Variants in PDE4D observed in about 807,000 individuals in gnomAD.
The protein encoded by PDE4D is 3',5'-cyclic-AMP phosphodiesterase 4D.
In PDE4D, 24 loss-of-function variants were observed where a neutral mutation model predicts 87.4. That is an observed-to-expected ratio of 0.27 (90% confidence interval 0.20 to 0.39). PDE4D has a LOEUF of 0.39. Among genes scored for constraint, PDE4D ranks in the 10% least tolerant of loss-of-function variants. The pLI is 1.00. For synonymous variants in PDE4D, 384 were observed against 383.2 expected, an observed-to-expected ratio of 1.00 and a Z score of -0.02; for missense variants, 714 against 1,041.0, an observed-to-expected ratio of 0.69 and a Z score of 4.32.
chr5:59,162,833 C>G (rs1458215110), intron 5 of PDE4D, among the ~76,000 whole-genome samples: 1 of 98,732 alleles, frequency 1.0e-5, no homozygotes, highest in Non-Finnish European at 2.0e-5. Context: ...CTAGCCTGAG[C>G]AAAAAGTGAG....
At chr5:60,306,324 A>G (rs912148406) in intron 1 of PDE4D, among the ~76,000 whole-genome samples, 1 of 152,044 alleles carries the variant, frequency 6.6e-6, no homozygotes, top group Admixed American at 6.5e-5. Flanking sequence ...GTGGTAAAGG[A>G]TGGACTCAAA....
At chr5:59,956,505 A>T (rs1758852132) in intron 3 of PDE4D, among the ~76,000 whole-genome samples, 1 of 152,222 alleles carries the variant, frequency 6.6e-6, no homozygotes, top group South Asian at 2.1e-4. Context: ...TATGGGCTTT[A>T]CACAGAACCA....
At chr5:59,893,750 G>A, upstream of PDE4D, 1 of 1,359,614 alleles carries the variant, frequency 7.4e-7, no homozygotes, top group Non-Finnish European at 9.4e-7. Context: ...CTGGTGCTTA[G>A]CTTCTCACTT....
chr5:60,104,342 A>G (rs1001364216), intron 2 of PDE4D, among the ~76,000 whole-genome samples: 28 of 152,250 alleles, frequency 1.8e-4, no homozygotes, highest in African/African-American at 6.8e-4. Context: ...TTGCTTACGT[A>G]AACAAAGCAG....
chr5:60,199,634 C>T lies in PDE4D; in HGVS notation c.-89-13947G>A, dbSNP rs369721280. Among the ~76,000 whole-genome samples, 59 of 151,762 alleles carry T rather than the reference C, an allele frequency of 3.9e-4. 2 individuals carry two copies. The highest frequency in any genetic ancestry group is 1.4e-3 in the African/African-American group (58 of 41,496). On this transcript the variant is annotated intron_variant, in intron 1 of 16. Coordinates refer to the PDE4D transcript ENST00000502484. Reference sequence around the variant, plus strand: ...GCTAGAATTTTCTCTTTAAAAATCTCTTTAATTCACTAAAGAAGTAATATA... The same window carrying T: ...GCTAGAATTTTCTCTTTAAAAATCTTTTTAATTCACTAAAGAAGTAATATA...
chr5:60,504,343 T>A (rs1159957837), intron 1 of PDE4D, among the ~76,000 whole-genome samples: 1 of 152,120 alleles, frequency 6.6e-6, no homozygotes, highest in Admixed American at 6.6e-5. Flanking sequence ...AGGTTTTTTT[T>A]TTTAGGTCTT....
intron 1 of PDE4D, among the ~76,000 whole-genome samples, chr5:59,258,082 C>T (rs1761313102): frequency 6.6e-6 from 1 of 151,730 alleles, no homozygotes; most frequent in Non-Finnish European, 1.5e-5. Context: ...CACTTCTTTT[C>T]CTTTTTAAGT....
At chr5:60,197,070 T>TAGATAGAC (rs1316937670) in intron 1 of PDE4D, among the ~76,000 whole-genome samples, 21,677 of 121,110 alleles carry the variant, frequency 0.18, 2,234 homozygotes, top group African/African-American at 0.18. Context: ...GATAGATAGA[T>TAGATAGAC]AGACAGTTAG....
At chr5:59,531,999 C>T (rs1287724336) in intron 1 of PDE4D, among the ~76,000 whole-genome samples, 2 of 152,148 alleles carry the variant, frequency 1.3e-5, no homozygotes, top group East Asian at 3.8e-4. Flanking sequence ...CTAGCACTTA[C>T]AGCAGCACCT....
intron 3 of PDE4D, among the ~76,000 whole-genome samples, chr5:59,938,856 A>C (rs1167579383): frequency 4.6e-5 from 7 of 152,226 alleles, no homozygotes; most frequent in Admixed American, 2.0e-4. Context: ...CTACATTAAA[A>C]TGTCAGTAAG....
At chr5:59,097,811 C>A (rs921187968) in intron 5 of PDE4D, among the ~76,000 whole-genome samples, 4 of 152,228 alleles carry the variant, frequency 2.6e-5, no homozygotes, top group Admixed American at 1.3e-4. Context: ...CAATTACAAG[C>A]CTTGTGTCTC....
intron 3 of PDE4D, among the ~76,000 whole-genome samples, chr5:59,959,332 A>C (rs939172535): frequency 6.6e-6 from 1 of 152,190 alleles, no homozygotes; most frequent in African/African-American, 2.4e-5. Flanking sequence ...TGAAGTTATC[A>C]ATGTTATTTT....
intron 1 of PDE4D, among the ~76,000 whole-genome samples, chr5:59,749,286 A>G (rs938260155): frequency 6.6e-6 from 1 of 151,998 alleles, no homozygotes; most frequent in Non-Finnish European, 1.5e-5. Flanking sequence ...TTTGAGACAG[A>G]GTCTTGCTCT....
At chr5:60,159,134 C>T (rs1782254872) in intron 2 of PDE4D, among the ~76,000 whole-genome samples, 1 of 152,074 alleles carries the variant, frequency 6.6e-6, no homozygotes, top group Non-Finnish European at 1.5e-5. Context: ...CATACATTAG[C>T]CTAGGCCTAC....
chr5:59,077,693 C>T (rs993404945), intron 5 of PDE4D, among the ~76,000 whole-genome samples: 1 of 151,998 alleles, frequency 6.6e-6, no homozygotes, highest in Non-Finnish European at 1.5e-5. Flanking sequence ...TTCTCAAACA[C>T]ATCTTAGGAC....
chr5:59,368,496 T>C (rs1225772913), intron 1 of PDE4D, among the ~76,000 whole-genome samples: 2 of 152,208 alleles, frequency 1.3e-5, no homozygotes, highest in African/African-American at 4.8e-5. Flanking sequence ...TTGAGTAATA[T>C]AAGAATTAGA....
chr5:59,771,465 GAAAGAAAGAA>G (rs1404706540), intron 1 of PDE4D, among the ~76,000 whole-genome samples: 8 of 73,016 alleles, frequency 1.1e-4, no homozygotes, highest in African/African-American at 2.4e-4. Flanking sequence ...AAGAAAGAAA[GAAAGAAAGAA>G]AGAAAGAAAG....
Position 59,906,166 on chromosome 5 carries a change from C to T in PDE4D, c.272+82322G>A, listed in dbSNP as rs150426157. On this transcript the variant is annotated intron_variant, in intron 3 of 16. Transcript: ENST00000502484. ...TTTACAGATGAGGAAAATGTGTCCT[C>T]ATCTCATAATTAGAAAACACTGGAA... 2.9e-3 allele frequency among the ~76,000 whole-genome samples: 447 copies of T among 152,210 alleles called. 2 individuals carry two copies. The highest frequency in any genetic ancestry group is 3.0e-3 in the Non-Finnish European group (201 of 67,996).
chr5:59,444,194 G>A (rs1401514804), intron 1 of PDE4D, among the ~76,000 whole-genome samples: 1 of 152,192 alleles, frequency 6.6e-6, no homozygotes, highest in Non-Finnish European at 1.5e-5. Flanking sequence ...GAGAAAACAA[G>A]AGAAAGCTTC....
Sources: gnomAD v4.1 joint callset for allele counts (sites outside exome capture counted in the v4.1 genomes callset) on GRCh38, gnomAD v4.1.1 for gene constraint, MANE v1.5 for transcripts, NCBI Gene and HGNC (gene_info 2026-07-23, HGNC 2026-07-21) for gene names.